Variants in KDM4C observed in about 807,000 individuals in gnomAD.
KDM4C encodes the protein lysine demethylase 4C.
Under a neutral mutation model 129.3 loss-of-function variants are expected in KDM4C, and 81 were observed. The ratio of observed to expected loss-of-function variants is 0.63; its 90% CI spans 0.52 to 0.75. The LOEUF (loss-of-function observed/expected upper bound fraction) is 0.75, where lower values mean the gene tolerates loss of function less well. Among genes scored for constraint, KDM4C ranks in the 30% least tolerant of loss-of-function variants. The probability of loss-of-function intolerance (pLI) is 0.00; values close to 1 mark genes in which losing one functional copy is unlikely to be tolerated. For synonymous variants in KDM4C, 573 were observed against 456.1 expected (o/e 1.26, Z -3.26); for missense variants, 1,457 against 1,304.0 (o/e 1.12, Z -1.81).
intron 8 of KDM4C, among the ~76,000 whole-genome samples, chr9:6,933,743 G>A (rs17595898): frequency 0.26 from 38,918 of 152,056 alleles, 5,432 homozygotes; most frequent in South Asian, 0.4. Context: ...TGGAGGTTTG[G>A]CAATGAAAGA....
At chr9:6,803,789 A>G (rs1829458760) in intron 2 of KDM4C, among the ~76,000 whole-genome samples, 1 of 151,876 alleles carries the variant, frequency 6.6e-6, no homozygotes. Context: ...GCAATAGATC[A>G]TGAATTGCTT....
intron 4 of KDM4C, among the ~76,000 whole-genome samples, chr9:6,848,538 C>T (rs1008178308): frequency 1.3e-5 from 2 of 152,030 alleles, no homozygotes; most frequent in African/African-American, 4.8e-5. Flanking sequence ...GTGCGGTGGC[C>T]TACGCCTGTA....
chr9:7,099,723 G>C (rs1487146105), intron 17 of KDM4C, among the ~76,000 whole-genome samples: 1 of 152,168 alleles, frequency 6.6e-6, no homozygotes, highest in African/African-American at 2.4e-5. Context: ...GAATCCTGGG[G>C]CGGAAGAGAG....
At chr9:6,977,766 C>CT (rs1210294174) in intron 8 of KDM4C, among the ~76,000 whole-genome samples, 1 of 152,146 alleles carries the variant, frequency 6.6e-6, no homozygotes, top group Non-Finnish European at 1.5e-5. Context: ...ATGTACACTG[C>CT]TGTCACCTCT....
Position 6,720,986 on chromosome 9 carries a change from A to C in KDM4C, c.38A>C (p.Glu13Ala), listed in dbSNP as rs767931072. Residue 13 changes from glutamate (E) to alanine (A), a missense_variant, in exon 1 of 18, where the codon GAA (glutamate) becomes GCA (alanine). Coordinates refer to the KDM4C transcript ENST00000536108. ...GGGCTGCCCTGGAAGAGGACTGAAG[A>C]AGCAGCTGCAGGTGAGTGCTGCTCT... 5.2e-6 allele frequency: 8 copies of C among 1,551,484 alleles called. No homozygotes were observed. The South Asian group carries it at 7.1e-5, about 14-fold the overall frequency.
rs149874425 is a variant in KDM4C, at chr9:7,168,031, T to C, written c.2902-1767T>C. On this transcript the variant is annotated intron_variant, in intron 20 of 21. Transcript: ENST00000381309. ...ACCCCGTCTCTACTAAAAAAATGTA[T>C]AAAAATTAGCCAGGCATGGTTGGCG... 1.9e-3 allele frequency among the ~76,000 whole-genome samples: 291 copies of C among 152,064 alleles called. 3 individuals carry two copies. Among genetic ancestry groups the C allele is most frequent in the African/African-American group, 6.8e-3 (281 of 41,448 alleles).
At chr9:6,920,747 T>G (rs1821359831) in intron 8 of KDM4C, among the ~76,000 whole-genome samples, 1 of 152,134 alleles carries the variant, frequency 6.6e-6, no homozygotes, top group Non-Finnish European at 1.5e-5. Context: ...ACATTCTTGG[T>G]CTTGCACAGA....
At chr9:7,163,682 T>TAC (rs1344733020) in intron 19 of KDM4C, among the ~76,000 whole-genome samples, 1 of 152,090 alleles carries the variant, frequency 6.6e-6, no homozygotes, top group East Asian at 1.9e-4. Flanking sequence ...GTGTTCTCGG[T>TAC]ACCGCATAAA....
intron 5 of KDM4C, among the ~76,000 whole-genome samples, chr9:6,857,461 C>T (rs146835664): frequency 6.6e-6 from 1 of 152,310 alleles, no homozygotes; most frequent in African/African-American, 2.4e-5. Context: ...GGATCACATA[C>T]CACTCTAGCA....
intron 5 of KDM4C, among the ~76,000 whole-genome samples, chr9:6,865,900 G>A (rs1162303606): frequency 2.0e-5 from 3 of 151,984 alleles, no homozygotes; most frequent in Non-Finnish European, 2.9e-5. Context: ...ACAGGCGCCC[G>A]CCACCACCAT....
chr9:7,168,697 T>C (rs759702986), intron 20 of KDM4C, among the ~76,000 whole-genome samples: 8 of 152,180 alleles, frequency 5.3e-5, no homozygotes, highest in Non-Finnish European at 8.8e-5. Context: ...TTTGATTGAA[T>C]TTGACACGTG....
chr9:7,165,945 G>A (rs1844336254), intron 20 of KDM4C, among the ~76,000 whole-genome samples: 1 of 152,186 alleles, frequency 6.6e-6, no homozygotes, highest in Non-Finnish European at 1.5e-5. Flanking sequence ...TAGTATTAAA[G>A]AGTATATATA....
intron 4 of KDM4C, among the ~76,000 whole-genome samples, chr9:6,825,356 C>T (rs1588523688): frequency 6.6e-6 from 1 of 152,068 alleles, no homozygotes; most frequent in African/African-American, 2.4e-5. Flanking sequence ...TCCTGTGGTC[C>T]TCGGAAAACA....
At chr9:6,964,395 C>T (rs543316787) in intron 8 of KDM4C, among the ~76,000 whole-genome samples, 27 of 152,066 alleles carry the variant, frequency 1.8e-4, no homozygotes, top group African/African-American at 4.6e-4. Context: ...CAGCTTCATC[C>T]GTGTCGCTAC....
At chr9:6,893,049 A>G (rs1233451199) in intron 7 of KDM4C, 46 bp from the exon 8 acceptor site, 15 of 1,342,836 alleles carry the variant, frequency 1.1e-5, no homozygotes, top group Non-Finnish European at 1.5e-5. Context: ...TTCATAATTT[A>G]GGAAGTCTTA....
chr9:6,994,587 A>G (rs998955094), intron 12 of KDM4C, among the ~76,000 whole-genome samples: 5 of 152,124 alleles, frequency 3.3e-5, no homozygotes, highest in African/African-American at 7.2e-5. Flanking sequence ...TTTCCCTGCA[A>G]TCATGGTAGC....
At chr9:6,916,730 T>C (rs936150249) in intron 8 of KDM4C, among the ~76,000 whole-genome samples, 9 of 152,262 alleles carry the variant, frequency 5.9e-5, no homozygotes, top group Admixed American at 5.2e-4. Flanking sequence ...TTTTATTTTA[T>C]TTCTGTTTTA....
intron 8 of KDM4C, among the ~76,000 whole-genome samples, chr9:6,972,893 T>C (rs964461093): frequency 1.3e-5 from 2 of 152,248 alleles, no homozygotes; most frequent in Non-Finnish European, 2.9e-5. Context: ...AAATCCATTG[T>C]GTGTTTTTCT....
At chr9:7,029,617 A>G (rs1379280795) in intron 15 of KDM4C, among the ~76,000 whole-genome samples, 1 of 152,104 alleles carries the variant, frequency 6.6e-6, no homozygotes, top group Non-Finnish European at 1.5e-5. Context: ...AATAAACAAA[A>G]AGGAATGTGT....
Sources: gnomAD v4.1 joint callset for allele counts (sites outside exome capture counted in the v4.1 genomes callset) on GRCh38, gnomAD v4.1.1 for gene constraint, MANE v1.5 for transcripts, NCBI Gene and HGNC (gene_info 2026-07-23, HGNC 2026-07-21) for gene names.